The following PAQR8 variants were observed in gnomAD, a reference collection of about 807,000 sequenced individuals.
PAQR8 encodes the protein progestin and adipoQ receptor family member 8, also known as membrane progestin receptor beta.
Under a neutral mutation model 25.2 loss-of-function variants are expected in PAQR8, and 17 were observed. The ratio of observed to expected loss-of-function variants is 0.67; its 90% CI spans 0.46 to 1.01. PAQR8 has a LOEUF of 1.01. Among genes scored for constraint, PAQR8 ranks in the 50% least tolerant of loss-of-function variants. PAQR8 has a pLI of 0.00. For synonymous variants in PAQR8, 204 were observed against 190.6 expected (o/e 1.07, Z -0.58); for missense variants, 392 against 448.4 (o/e 0.87, Z 1.14).
intron 1 of PAQR8, among the ~76,000 whole-genome samples, chr6:52,374,931 TTAATA>T (rs1208003346): frequency 5.4e-5 from 8 of 149,248 alleles, no homozygotes; most frequent in Middle Eastern, 3.6e-3. Context: ...GAGATAATAA[TTAATA>T]TAATATTATA....
chr6:52,397,652 C>T (rs901598644), intron 1 of PAQR8, among the ~76,000 whole-genome samples: 1 of 152,186 alleles, frequency 6.6e-6, no homozygotes, highest in Non-Finnish European at 1.5e-5. Flanking sequence ...ATCAAAATTA[C>T]AAGACTTGAG....
chr6:52,379,746 C>G (rs1196373430), intron 1 of PAQR8, among the ~76,000 whole-genome samples: 1 of 151,512 alleles, frequency 6.6e-6, no homozygotes, highest in Non-Finnish European at 1.5e-5. Context: ...CCTGCTTCAG[C>G]CTCCGAAGTA....
chr6:52,399,919 G>A (rs964947811), intron 1 of PAQR8, among the ~76,000 whole-genome samples: 1 of 152,172 alleles, frequency 6.6e-6, no homozygotes, highest in Admixed American at 6.5e-5. Context: ...CGTCCACCAA[G>A]GTCAGTTGGA....
chr6:52,374,390 C>G (rs974120611), intron 1 of PAQR8, among the ~76,000 whole-genome samples: 1 of 152,094 alleles, frequency 6.6e-6, no homozygotes, highest in Non-Finnish European at 1.5e-5. Flanking sequence ...TCCTCCTCCC[C>G]TCCCTCTTTT....
chr6:52,383,518 G>A (rs370590010), intron 1 of PAQR8, among the ~76,000 whole-genome samples: 121 of 151,846 alleles, frequency 8.0e-4, no homozygotes, highest in Non-Finnish European at 1.4e-3. Flanking sequence ...AAAATTAGCC[G>A]GGCGTGGTGG....
At chr6:52,397,465 G>A (rs1281161865) in intron 1 of PAQR8, among the ~76,000 whole-genome samples, 1 of 152,048 alleles carries the variant, frequency 6.6e-6, no homozygotes, top group African/African-American at 2.4e-5. Context: ...TTTGTATTTC[G>A]CTCTAGTTTA....
chr6:52,396,223 A>T (rs1464259034), intron 1 of PAQR8, among the ~76,000 whole-genome samples: 1 of 152,224 alleles, frequency 6.6e-6, no homozygotes, highest in Non-Finnish European at 1.5e-5. Context: ...AAGGCTGGAG[A>T]GAGCCCTAAG....
chr6:52,363,474 A>G (rs1023823471), intron 1 of PAQR8, among the ~76,000 whole-genome samples: 4 of 152,338 alleles, frequency 2.6e-5, no homozygotes, highest in Admixed American at 2.0e-4. Context: ...GATAACTCAT[A>G]CAATACACTG....
At chr6:52,399,398 G>A (rs1763805804) in intron 1 of PAQR8, among the ~76,000 whole-genome samples, 1 of 152,134 alleles carries the variant, frequency 6.6e-6, no homozygotes, top group Non-Finnish European at 1.5e-5. Context: ...GGTCTGAATT[G>A]TGCTCTCTTC....
At position 52,402,941 on chromosome 6, in the gene PAQR8, G is replaced by A. The variant is rs779082790; in HGVS notation, c.-52-221G>A. Among the ~76,000 whole-genome samples the A allele has an allele frequency of 3.3e-5, 5 of 152,200 alleles. No homozygotes were observed. In the East Asian group the frequency reaches 7.7e-4, roughly 24 times the overall value. On this transcript the variant is annotated intron_variant, in intron 1 of 1. Transcript: ENST00000442253. ...CAACAGCAGCAACAAAAAATTATCC[G>A]GGCGTGTTGGCGTGCATCTATGGTC...
At chr6:52,374,661 A>G (rs189353803) in intron 1 of PAQR8, among the ~76,000 whole-genome samples, 1 of 152,234 alleles carries the variant, frequency 6.6e-6, no homozygotes, top group East Asian at 1.9e-4. Context: ...CCTTGGCCTC[A>G]TAAAGTGCTG....
chr6:52,393,333 CTTTT>C (rs35079265), intron 1 of PAQR8, among the ~76,000 whole-genome samples: 44 of 111,160 alleles, frequency 4.0e-4, no homozygotes, highest in Middle Eastern at 5.7e-3. Flanking sequence ...CTTTCTCTCT[CTTTT>C]TTTTTTTTTT....
Position 52,403,351 on chromosome 6 carries a change from C to T in PAQR8, c.138C>T (p.Phe46=). ...TVPETDVPQL[F]REPYIRTGYR... is the part of the protein sequence containing the mutation. ...CAGAAACGGATGTGCCCCAGCTCTTCCGGGAGCCTTACATCCGCACCGGCT... is the reference window on the plus strand; with the variant it reads ...CAGAAACGGATGTGCCCCAGCTCTTTCGGGAGCCTTACATCCGCACCGGCT... The change falls in exon 2 of 2, where the codon TTC becomes TTT. Residue 46 remains phenylalanine, a synonymous_variant. Coordinates refer to ENST00000442253, the MANE Select transcript of PAQR8 (RefSeq NM_133367.5). 1 of 1,614,266 alleles carries T rather than the reference C, an allele frequency of 6.2e-7. No individual in the cohort carries two copies. Among genetic ancestry groups the T allele is most frequent in the South Asian group, 1.1e-5 (1 of 91,088 alleles).
At chr6:52,383,132 T>C (rs747107141) in intron 1 of PAQR8, among the ~76,000 whole-genome samples, 83 of 152,226 alleles carry the variant, frequency 5.5e-4, no homozygotes, top group Non-Finnish European at 8.2e-4. Flanking sequence ...AATATATTTA[T>C]AGACACATAT....
chr6:52,399,512 A>G (rs1205651423), intron 1 of PAQR8, among the ~76,000 whole-genome samples: 1 of 152,216 alleles, frequency 6.6e-6, no homozygotes, highest in Non-Finnish European at 1.5e-5. Context: ...TTTTAAGGAT[A>G]TGAAGATTAG....
chr6:52,401,626 G>C (rs1763831071), intron 1 of PAQR8, among the ~76,000 whole-genome samples: 2 of 152,098 alleles, frequency 1.3e-5, no homozygotes, highest in Non-Finnish European at 2.9e-5. Context: ...TCTTTGCAAT[G>C]AGATTTTATG....
At chr6:52,377,032 C>T (rs769626573) in intron 1 of PAQR8, among the ~76,000 whole-genome samples, 1 of 152,188 alleles carries the variant, frequency 6.6e-6, no homozygotes, top group Non-Finnish European at 1.5e-5. Flanking sequence ...GCCCAAATAG[C>T]TTCTTGCTGG....
rs187312107 is a variant in PAQR8, at chr6:52,376,693, T to C, written c.-53+14444T>C. 1.9e-3 allele frequency among the ~76,000 whole-genome samples: 287 copies of C among 152,382 alleles called. 1 individual carries two copies. The highest frequency in any genetic ancestry group is 8.7e-3 in the South Asian group (42 of 4,832). ...GTATACTTTTGTCTAGTGATGCGTA[T>C]GTAAAAATCATACTTAAGCTGAAAT... On this transcript the variant is annotated intron_variant, in intron 1 of 1. Coordinates refer to ENST00000442253, the MANE Select transcript of PAQR8 (RefSeq NM_133367.5).
At chr6:52,388,409 GT>G (rs1182612650) in intron 1 of PAQR8, among the ~76,000 whole-genome samples, 2 of 151,994 alleles carry the variant, frequency 1.3e-5, no homozygotes, top group African/African-American at 4.8e-5. Flanking sequence ...AATGTAATGG[GT>G]TTGAATCATC....
Sources: gnomAD v4.1 joint callset for allele counts (sites outside exome capture counted in the v4.1 genomes callset) on GRCh38, gnomAD v4.1.1 for gene constraint, MANE v1.5 for transcripts, NCBI Gene and HGNC (gene_info 2026-07-23, HGNC 2026-07-21) for gene names.